CDC27: variants seen among roughly 807,000 people sequenced by gnomAD.
CDC27 encodes cell division cycle protein 27 homolog.
In CDC27, 27 loss-of-function variants were observed where a neutral mutation model predicts 109.7. The observed-to-expected ratio is 0.25, with a 90% CI of 0.18 to 0.34. The LOEUF is 0.34. Among genes scored for constraint, CDC27 ranks in the 10% least tolerant of loss-of-function variants. The pLI, the probability that CDC27 is intolerant of heterozygous loss-of-function variation, is 1.00. For missense variants in CDC27, 579 were observed against 960.2 expected, an observed-to-expected ratio of 0.60 and a Z score of 5.25; for synonymous variants, 266 against 333.9, an observed-to-expected ratio of 0.80 and a Z score of 2.22.
Position 47,120,601 on chromosome 17 carries a change from A to G in CDC27, c.*334T>C, listed in dbSNP as rs575289850. ...AAACTCTGGTTCATCACTATTTTCCATATCTAATGGTTCCTTCAAGATAAA... is the reference window on the plus strand; with the variant it reads ...AAACTCTGGTTCATCACTATTTTCCGTATCTAATGGTTCCTTCAAGATAAA... On this transcript the variant is annotated 3_prime_UTR_variant, in exon 19 of 19. Transcript: ENST00000066544. 46 of 186,834 alleles carry G rather than the reference A, an allele frequency of 2.5e-4. No homozygotes were observed. The highest frequency in any genetic ancestry group is 1.0e-3 in the African/African-American group (43 of 42,858). 11.6% of individuals were successfully genotyped at this position (186,834 alleles called of 1,614,324 possible).
chr17:47,177,135 C>A (rs1408605934), intron 2 of CDC27, among the ~76,000 whole-genome samples: 2 of 152,080 alleles, frequency 1.3e-5, no homozygotes, highest in Admixed American at 1.3e-4. Flanking sequence ...ATTTTACGGT[C>A]ATTTAAAATG....
Position 47,118,481 on chromosome 17 carries a change from C to G in CDC27, c.*2454G>C, listed in dbSNP as rs981122837. 6.6e-6 allele frequency: 1 copy of G among 152,482 alleles called. No homozygotes were observed. Among genetic ancestry groups the G allele is most frequent in the Non-Finnish European group, 1.5e-5 (1 of 68,030 alleles). The allele number at this position is 152,482 out of a possible 1,614,324, so 9.4% of individuals were successfully genotyped here. A position where few individuals can be genotyped will look rare whatever the true frequency, so the allele number is the denominator to read the frequency against. On this transcript the variant is annotated 3_prime_UTR_variant, in exon 19 of 19. Coordinates refer to ENST00000066544, the MANE Select transcript of CDC27 (RefSeq NM_001256.6). ...AACATAACTTCTGAACAAGTGTGTG[C>G]GCGTATATATATATGTATATAGATG...
chr17:47,123,402 C>CTTTTTTT (rs57868315), intron 17 of CDC27, among the ~76,000 whole-genome samples: 1 of 123,002 alleles, frequency 8.1e-6, no homozygotes, highest in African/African-American at 3.0e-5. Context: ...TTTTTTTCTA[C>CTTTTTTT]TTTTTTTTTT....
intron 9 of CDC27, among the ~76,000 whole-genome samples, chr17:47,148,958 A>G (rs566155094): frequency 7.9e-5 from 12 of 152,176 alleles, no homozygotes; most frequent in African/African-American, 2.4e-4. Flanking sequence ...ACATGCCTGT[A>G]ATCCCAGCTA....
intron 4 of CDC27, chr17:47,162,145 A>T (rs1352090611): frequency 1.3e-5 from 2 of 152,206 alleles, no homozygotes; most frequent in Non-Finnish European, 2.9e-5. Context: ...CAAAAATCCT[A>T]CTTAGAGATA....
chr17:47,142,913 T>A (rs11570520), intron 10 of CDC27, among the ~76,000 whole-genome samples: 12,271 of 152,082 alleles, frequency 0.081, 567 homozygotes, highest in African/African-American at 0.11. Flanking sequence ...TGACCTTAGG[T>A]GATCTGCCTG....
chr17:47,172,984 T>C (rs1301981579), intron 2 of CDC27, among the ~76,000 whole-genome samples: 1 of 152,182 alleles, frequency 6.6e-6, no homozygotes, highest in African/African-American at 2.4e-5. Context: ...TTGCTAGAAA[T>C]GAAAATTTTT....
intron 14 of CDC27, among the ~76,000 whole-genome samples, chr17:47,132,906 T>A (rs2062396685): frequency 7.1e-6 from 1 of 141,494 alleles, no homozygotes; most frequent in Non-Finnish European, 1.5e-5. Context: ...CCTGAGTAGC[T>A]GCAACTACAG....
chr17:47,159,291 A>C, intron 4 of CDC27: 1 of 593,464 alleles, frequency 1.7e-6, no homozygotes, highest in East Asian at 3.0e-5. Context: ...AGACTTGGTG[A>C]ATACAGTCTC....
intron 15 of CDC27, among the ~76,000 whole-genome samples, chr17:47,130,780 G>A (rs2062302407): frequency 2.0e-5 from 3 of 152,012 alleles, no homozygotes; most frequent in Admixed American, 2.0e-4. Context: ...AGGAGGCTGA[G>A]GCAGGAGAAT....
intron 16 of CDC27, among the ~76,000 whole-genome samples, chr17:47,128,912 C>A (rs1768170190): frequency 6.6e-6 from 1 of 151,992 alleles, no homozygotes; most frequent in African/African-American, 2.4e-5. Flanking sequence ...CTGAGACTTA[C>A]AGGCACCTGC....
In CDC27 at chr17:47,142,166, G is replaced by A. The variant is rs915432355; in HGVS notation, c.1378+63C>T. The A allele has an allele frequency of 1.2e-5, 14 of 1,180,770 alleles. No homozygotes were observed. In the African/African-American group the frequency reaches 1.9e-4, roughly 16 times the overall value. 73.1% of individuals were successfully genotyped at this position (1,180,770 alleles called of 1,614,324 possible). On this transcript the variant is annotated intron_variant, in intron 11 of 18. Coordinates refer to ENST00000066544, the MANE Select transcript of CDC27 (RefSeq NM_001256.6). ...ATGAAGGTACTGTAATGAACATAAAGAAATTTACTTAAAATAAGTACATAA... is the reference window on the plus strand; with the variant it reads ...ATGAAGGTACTGTAATGAACATAAAAAAATTTACTTAAAATAAGTACATAA...
Position 47,119,396 on chromosome 17 carries a change from T to C in CDC27, c.*1539A>G, listed in dbSNP as rs1021306470. On this transcript the variant is annotated 3_prime_UTR_variant, in exon 19 of 19. Coordinates refer to ENST00000066544, the MANE Select transcript of CDC27 (RefSeq NM_001256.6). ...TTCAAATGAGATTAACAGTAAATTA[T>C]AGAAAATTACTGAGTCTACAGACTA... The C allele has an allele frequency of 2.6e-4, 39 of 152,188 alleles. No individual in the cohort carries two copies. Among genetic ancestry groups the C allele is most frequent in the Admixed American group, 2.2e-3 (34 of 15,274 alleles). The allele number at this position is 152,188 out of a possible 1,614,324, so 9.4% of individuals were successfully genotyped here. A position where few individuals can be genotyped will look rare whatever the true frequency, so the allele number is the denominator to read the frequency against.
At position 47,171,965 on chromosome 17, in the gene CDC27, G is replaced by A; in HGVS notation, c.203C>T (p.Thr68Ile). 6.2e-7 allele frequency: 1 copy of A among 1,601,724 alleles called. No homozygotes were observed. The highest frequency in any genetic ancestry group is 8.5e-7 in the Non-Finnish European group (1 of 1,174,320). Residue 68 changes from threonine (T) to isoleucine (I), a missense_variant, in exon 3 of 19, where the codon ACA (threonine) becomes ATA (isoleucine). By Grantham distance (89) the Thr-to-Ile change is moderately conservative. Transcript: ENST00000066544. ...YRLLKGHSCT[T>I]PQCKYLLAKC... ...TGCAAGCAGGTATTTGCATTGCGGTGTAGTACAACTGTGTCCTTTCAAGAG... is the reference window on the plus strand; with the variant it reads ...TGCAAGCAGGTATTTGCATTGCGGTATAGTACAACTGTGTCCTTTCAAGAG...
chr17:47,128,972 C>T (rs2062233855), intron 16 of CDC27, among the ~76,000 whole-genome samples: 1 of 152,060 alleles, frequency 6.6e-6, no homozygotes, highest in South Asian at 2.1e-4. Flanking sequence ...GGGGTTTCAC[C>T]ATGTGGCCCG....
chr17:47,179,491 A>G (rs1369797817), intron 2 of CDC27, among the ~76,000 whole-genome samples: 1 of 152,222 alleles, frequency 6.6e-6, no homozygotes, highest in Non-Finnish European at 1.5e-5. Context: ...GCCTGTGGAC[A>G]TTAGTCTCAG....
At position 47,141,933 on chromosome 17, in the gene CDC27, G is replaced by A. The variant is rs74929661; in HGVS notation, c.1471C>T (p.Leu491=). ...CKEAINILSH[L]PSHHYNTGWV... ...CCAGTATTGTAGTGGTGAGAAGGTAGATGGCTCAAAATATTTATAGCTTCT... is the reference window on the plus strand; with the variant it reads ...CCAGTATTGTAGTGGTGAGAAGGTAAATGGCTCAAAATATTTATAGCTTCT... The change falls in exon 12 of 19, where the codon CTA becomes TTA. Residue 491 remains leucine (L), a synonymous_variant. Transcript: ENST00000066544. The A allele has an allele frequency of 4.4e-6, 7 of 1,607,368 alleles. No homozygotes were observed. The highest frequency in any genetic ancestry group is 6.0e-6 in the Non-Finnish European group (7 of 1,175,938).
At chr17:47,145,020 A>T (rs1598458878) in intron 9 of CDC27, among the ~76,000 whole-genome samples, 1 of 152,218 alleles carries the variant, frequency 6.6e-6, no homozygotes, top group East Asian at 1.9e-4. Flanking sequence ...TTTAGCTAAA[A>T]GTACTATGCC....
chr17:47,179,039 T>C (rs1191412931), intron 2 of CDC27, among the ~76,000 whole-genome samples: 1 of 152,154 alleles, frequency 6.6e-6, no homozygotes, highest in Non-Finnish European at 1.5e-5. Flanking sequence ...CAACCTCAGG[T>C]GATCTGCCCA....
Sources: allele counts gnomAD v4.1 joint callset (sites outside exome capture counted in the v4.1 genomes callset), GRCh38; gene constraint gnomAD v4.1.1; transcripts MANE v1.5; gene names NCBI Gene and HGNC (gene_info 2026-07-23, HGNC 2026-07-21).